Variants in IZUMO3 observed in about 807,000 individuals in gnomAD.
IZUMO3 encodes the protein IZUMO family member 3.
Under a neutral mutation model 28.4 loss-of-function variants are expected in IZUMO3, and 36 were observed. The ratio of observed to expected loss-of-function variants is 1.27; its 90% CI spans 0.97 to 1.67. IZUMO3 has a LOEUF of 1.67. Among genes scored for constraint, IZUMO3 ranks in the 40% most tolerant of loss-of-function variants. The pLI, the probability that IZUMO3 is intolerant of heterozygous loss-of-function variation, is 0.00. For missense variants in IZUMO3, 387 were observed against 278.5 expected, an observed-to-expected ratio of 1.39 and a Z score of -2.77; for synonymous variants, 126 against 99.2, an observed-to-expected ratio of 1.27 and a Z score of -1.61.
chr9:24,545,332 A>G (rs138767023), intron 1 of IZUMO3, 46 bp from the exon 2 acceptor site: 4 of 1,546,504 alleles, frequency 2.6e-6, no homozygotes, highest in African/African-American at 2.7e-5. Context: ...AATTACATCT[A>G]TGCAGGAAGT....
Position 24,545,421 on chromosome 9 carries a change from C to T in IZUMO3, c.226+3G>A. The T allele has an allele frequency of 6.5e-7, 1 of 1,540,914 alleles. No individual in the cohort carries two copies. The highest frequency in any genetic ancestry group is 2.4e-5 in the East Asian group (1 of 40,878). On this transcript the variant is annotated splice_donor_region_variant and intron_variant, in intron 1 of 6. Transcript: ENST00000543880. ...GACTCTCAGGAACTCAAGCTTCCCTCACCCAACACCCGAAGCCTCTTGTCA... is the reference window on the plus strand; with the variant it reads ...GACTCTCAGGAACTCAAGCTTCCCTTACCCAACACCCGAAGCCTCTTGTCA...
In IZUMO3 at chr9:24,545,747, T is replaced by TG. The variant is rs1489801818; in HGVS notation, c.-99dup. ...AAATCCGGGAATGAGAGCCTGGTTC[T>TG]GGATAGTCTGACTCCACTTTTCCCG... On this transcript the variant is annotated 5_prime_UTR_variant, in exon 1 of 7. The change creates a premature stop within an existing upstream ORF in the 5' untranslated region. Transcript: ENST00000543880. The TG allele has an allele frequency of 1.3e-5, 20 of 1,534,066 alleles. No homozygotes were observed. In the South Asian group the frequency reaches 2.3e-4, roughly 18 times the overall value.
intron 6 of IZUMO3, 49 bp from the exon 7 acceptor site, chr9:24,543,416 T>C: frequency 2.2e-6 from 2 of 901,162 alleles, no homozygotes; most frequent in Non-Finnish European, 1.6e-6. Context: ...AGTAGCCCCA[T>C]TCTTTAAGCC....
rs117408698 is a variant in IZUMO3, at chr9:24,542,958, C to A, written c.*271G>T. 119 of 256,272 alleles carry A rather than the reference C, an allele frequency of 4.6e-4. No individual in the cohort carries two copies. In the East Asian group the frequency reaches 5.1e-3, roughly 11 times the overall value. The allele number at this position is 256,272 out of a possible 1,614,324, so 15.9% of individuals were successfully genotyped here. A position where few individuals can be genotyped will look rare whatever the true frequency, so the allele number is the denominator to read the frequency against. ...CCATTAATCAGAGTTACTAACGATGCATTATTTATTACTATCCAGCATATT... is the reference window on the plus strand; with the variant it reads ...CCATTAATCAGAGTTACTAACGATGAATTATTTATTACTATCCAGCATATT... On this transcript the variant is annotated 3_prime_UTR_variant, in exon 7 of 7. Transcript: ENST00000543880.
intron 3 of IZUMO3, 58 bp downstream of exon 3, chr9:24,544,914 C>A: frequency 7.2e-7 from 1 of 1,388,758 alleles, no homozygotes; most frequent in South Asian, 1.2e-5. Context: ...TCCCTCATCC[C>A]GCATTTTCTA....
rs1390995876 is a variant in IZUMO3, at chr9:24,543,222, G to T, written c.*7C>A. On this transcript the variant is annotated 3_prime_UTR_variant, in exon 7 of 7. Transcript: ENST00000543880. ...TCATGAAAGACTTCTTGTCCATGTT[G>T]ATGTGTTTATTTTCTGAGTCTAAAG... is the stretch of plus-strand genomic sequence containing the variant. The T allele has an allele frequency of 3.3e-6, 5 of 1,536,962 alleles. 1 individual carries two copies. In the South Asian group the frequency reaches 6.1e-5, roughly 19 times the overall value.
chr9:24,545,171 C>A, intron 2 of IZUMO3, 41 bp downstream of exon 2: 1 of 1,529,454 alleles, frequency 6.5e-7, no homozygotes, highest in Non-Finnish European at 8.9e-7. Context: ...CTGAGGCTTG[C>A]TTGAGCAATA....
At position 24,544,134 on chromosome 9, in the gene IZUMO3, A is replaced by T. The variant is rs1259103937; in HGVS notation, c.490+67T>A. The T allele has an allele frequency of 6.5e-6, 7 of 1,077,026 alleles. No individual in the cohort carries two copies. The Admixed American group carries it at 1.4e-4, about 21-fold the overall frequency. The allele number at this position is 1,077,026 out of a possible 1,614,324, so 66.7% of individuals were successfully genotyped here. A position where few individuals can be genotyped will look rare whatever the true frequency, so the allele number is the denominator to read the frequency against. Reference sequence around the variant, plus strand: ...GTGACCCAACAAATACATGTAGAATAAATCAGTGAGCAACCCTGCTCCTTA... The same window carrying T: ...GTGACCCAACAAATACATGTAGAATTAATCAGTGAGCAACCCTGCTCCTTA... On this transcript the variant is annotated intron_variant, in intron 5 of 6. Coordinates refer to ENST00000543880, the MANE Select transcript of IZUMO3 (RefSeq NM_001365008.2).
Position 24,545,590 on chromosome 9 carries a change from G to A in IZUMO3, c.60C>T (p.Gly20=). Residue 20 remains glycine, a synonymous_variant, in exon 1 of 7, where the codon GGC becomes GGT. Coordinates refer to ENST00000543880, the MANE Select transcript of IZUMO3 (RefSeq NM_001365008.2). ...LPLSAFHGVK[G]CLECDPKFIE... is the part of the protein sequence containing the mutation. Reference sequence around the variant, plus strand: ...TAAATTTGGGGTCACATTCTAAACAGCCTTTGACTCCATGGAAGGCTGAGA... The same window carrying A: ...TAAATTTGGGGTCACATTCTAAACAACCTTTGACTCCATGGAAGGCTGAGA... 6.5e-7 allele frequency: 1 copy of A among 1,535,374 alleles called. No individual in the cohort carries two copies. Among genetic ancestry groups the A allele is most frequent in the Non-Finnish European group, 8.7e-7 (1 of 1,146,698 alleles).
At chr9:24,544,931 T>A in intron 3 of IZUMO3, 41 bp downstream of exon 3, 1 of 1,417,716 alleles carries the variant, frequency 7.1e-7, no homozygotes, top group Non-Finnish European at 9.7e-7. Flanking sequence ...TCTATTCCCT[T>A]CATATAACTT....
chr9:24,545,560 C>T lies in IZUMO3; in HGVS notation c.90G>A (p.Glu30=), dbSNP rs964630682. Residue 30 remains glutamate, a synonymous_variant, in exon 1 of 7, where the codon GAG becomes GAA. Transcript: ENST00000543880. ...GATTTCCCAGCAAGGAGCCAACATC[C>T]TCTATAAATTTGGGGTCACATTCTA... ...GCLECDPKFI[E]DVGSLLGNLI... 1 of 1,535,378 alleles carries T rather than the reference C, an allele frequency of 6.5e-7. No homozygotes were observed. The highest frequency in any genetic ancestry group is 8.7e-7 in the Non-Finnish European group (1 of 1,146,706).
rs1250842445 is a variant in IZUMO3, at chr9:24,543,132, A to G, written c.*97T>C. ...AGTTCTATTTCAGTTTTAAAATACTATGACTTTATGACCAAGAAAGGGTTT... is the reference window on the plus strand; with the variant it reads ...AGTTCTATTTCAGTTTTAAAATACTGTGACTTTATGACCAAGAAAGGGTTT... On this transcript the variant is annotated 3_prime_UTR_variant, in exon 7 of 7. Transcript: ENST00000543880. 1.5e-5 allele frequency: 14 copies of G among 947,400 alleles called. No homozygotes were observed. The South Asian group carries it at 1.8e-4, about 12-fold the overall frequency. 58.7% of individuals were successfully genotyped at this position (947,400 alleles called of 1,614,324 possible).
At position 24,543,044 on chromosome 9, in the gene IZUMO3, T is replaced by G. The variant is rs1819484774; in HGVS notation, c.*185A>C. Reference sequence around the variant, plus strand: ...TTCTGTACAACTCTGGCCAAATTATTTGCTCTCCCATTACTTCCGTTGTCT... The same window carrying G: ...TTCTGTACAACTCTGGCCAAATTATGTGCTCTCCCATTACTTCCGTTGTCT... On this transcript the variant is annotated 3_prime_UTR_variant, in exon 7 of 7. Transcript: ENST00000543880. 2.1e-6 allele frequency: 1 copy of G among 482,868 alleles called. No homozygotes were observed. Among genetic ancestry groups the G allele is most frequent in the South Asian group, 4.6e-5 (1 of 21,784 alleles). 29.9% of individuals were successfully genotyped at this position (482,868 alleles called of 1,614,324 possible). A position where few individuals can be genotyped will look rare whatever the true frequency, so the allele number is the denominator to read the frequency against.
rs902749153 is a variant in IZUMO3, at chr9:24,545,043, C to T, written c.320G>A (p.Gly107Asp). ...ETWKGVFIYQ[G>D]KLLDVCQNLE... ...GTTTTGGCAGACATCGAGAAGCTTG[C>T]CTTGATAGATAAAGACACCTAAGAG... The change falls in exon 3 of 7, where the codon GGC (glycine) becomes GAC (aspartate). Residue 107 changes from glycine to aspartate, a missense_variant. Transcript: ENST00000543880. 6.5e-7 allele frequency: 1 copy of T among 1,550,118 alleles called. No individual in the cohort carries two copies. Among genetic ancestry groups the T allele is most frequent in the Non-Finnish European group, 8.7e-7 (1 of 1,146,372 alleles).
intron 5 of IZUMO3, 150 bp downstream of exon 5, chr9:24,544,051 A>C (rs545792103): frequency 1.7e-5 from 11 of 645,068 alleles, no homozygotes; most frequent in South Asian, 1.2e-4. Context: ...TCAAAATTTC[A>C]CCCAACACCC....
In IZUMO3 at chr9:24,543,145, C is replaced by T. The variant is rs747676941; in HGVS notation, c.*84G>A. On this transcript the variant is annotated 3_prime_UTR_variant, in exon 7 of 7. Transcript: ENST00000543880. ...TTTTAAAATACTATGACTTTATGAC[C>T]AAGAAAGGGTTTACCTCCCAGTTTT... The T allele has an allele frequency of 8.2e-6, 9 of 1,094,618 alleles. No homozygotes were observed. The Admixed American group carries it at 1.0e-4, about 12-fold the overall frequency. The allele number at this position is 1,094,618 out of a possible 1,614,324, so 67.8% of individuals were successfully genotyped here.
In IZUMO3 at chr9:24,543,368, C is replaced by A; in HGVS notation, c.582-1G>T. The A allele has an allele frequency of 1.4e-6, 2 of 1,453,102 alleles. No individual in the cohort carries two copies. The highest frequency in any genetic ancestry group is 1.8e-6 in the Non-Finnish European group (2 of 1,089,826). The allele number at this position is 1,453,102 out of a possible 1,614,324, so 90.0% of individuals were successfully genotyped here. A position where few individuals can be genotyped will look rare whatever the true frequency, so the allele number is the denominator to read the frequency against. ...CCGATGAAAGATGCAAAAATGGAAT[C>A]TAGAGTAGGAAAAGAAAATAATTCC... On this transcript the variant is annotated splice_acceptor_variant, in intron 6 of 6. Coordinates refer to ENST00000543880, the MANE Select transcript of IZUMO3 (RefSeq NM_001365008.2). LOFTEE classifies it high-confidence loss of function.
At chr9:24,544,831 T>A in intron 3 of IZUMO3, 71 bp from the exon 4 acceptor site, 1 of 1,462,656 alleles carries the variant, frequency 6.8e-7, no homozygotes. Flanking sequence ...ACCCAAGTAG[T>A]CTTTGTTTAC....
chr9:24,545,486 A>T lies in IZUMO3; in HGVS notation c.164T>A (p.Ile55Asn). The part of the protein sequence containing the change: ...PGRTQLLERQ[I>N]KEMIHLSFKV... ...GAAGCTTAAATGAATCATCTCCTTA[A>T]TCTGCCGTTCAAGCAGCTGAGTTCG... The change falls in exon 1 of 7, where the codon ATT becomes AAT. Residue 55 changes from isoleucine (I) to asparagine (N), a missense_variant. Ile to Asn is a moderately radical substitution (Grantham distance 149). Coordinates refer to ENST00000543880, the MANE Select transcript of IZUMO3 (RefSeq NM_001365008.2). The T allele has an allele frequency of 7.2e-6, 11 of 1,535,558 alleles. No homozygotes were observed. Among genetic ancestry groups the T allele is most frequent in the Non-Finnish European group, 9.6e-6 (11 of 1,146,692 alleles).
Sources: allele counts gnomAD v4.1 joint callset, GRCh38; gene constraint gnomAD v4.1.1; transcripts MANE v1.5; gene names NCBI Gene and HGNC (gene_info 2026-07-23, HGNC 2026-07-21).